The following HOMER2 variants were observed in gnomAD, a reference collection of about 807,000 sequenced individuals.
The protein encoded by HOMER2 is homer scaffold protein 2, also known as homer protein homolog 2.
A neutral mutation model predicts 47.0 loss-of-function variants in HOMER2; 27 were observed. That is an observed-to-expected ratio of 0.57 (90% CI 0.42 to 0.79). The LOEUF (loss-of-function observed/expected upper bound fraction) is 0.79. Among genes scored for constraint, HOMER2 ranks in the 30% least tolerant of loss-of-function variants. The pLI is 0.00. For missense variants in HOMER2, 443 were observed against 435.0 expected (o/e 1.02, Z -0.16); for synonymous variants, 161 against 163.8 (o/e 0.98, Z 0.13).
chr15:82,955,145 C>T (rs958812603), upstream of HOMER2, among the ~76,000 whole-genome samples: 3 of 150,860 alleles, frequency 2.0e-5, no homozygotes, highest in African/African-American at 4.9e-5. Flanking sequence ...CTATAATCTA[C>T]GTATTTTTAC....
chr15:82,896,110 G>A (rs901298833), intron 1 of HOMER2, among the ~76,000 whole-genome samples: 21 of 152,124 alleles, frequency 1.4e-4, no homozygotes, highest in Admixed American at 1.1e-3. Context: ...GGGGGACCAA[G>A]AACAGGGTCT....
intron 1 of HOMER2, among the ~76,000 whole-genome samples, chr15:82,965,778 T>C (rs1026484164): frequency 2.6e-5 from 4 of 151,988 alleles, no homozygotes; most frequent in African/African-American, 4.8e-5. Context: ...CTTTTTTTTT[T>C]TTTTATTTTC....
In HOMER2 at chr15:82,913,829, T is replaced by C. The variant is rs2053510577; in HGVS notation, c.6-20988A>G. ...AGGGCTGTGGAAAACTGGTGCTTCC[T>C]CAAAAAGTTAAATACAGCATTTCCA... On this transcript the variant is annotated intron_variant, in intron 1 of 8. Coordinates refer to ENST00000450735, the MANE Select transcript of HOMER2 (RefSeq NM_004839.4). The surrounding 1 kb of genome is among the most constrained non-coding windows in gnomAD (Gnocchi z 4.1). 6.6e-6 allele frequency among the ~76,000 whole-genome samples: 1 copy of C among 152,114 alleles called. No homozygotes were observed. Among genetic ancestry groups the C allele is most frequent in the African/African-American group, 2.4e-5 (1 of 41,420 alleles).
intron 2 of HOMER2, among the ~76,000 whole-genome samples, chr15:82,879,197 T>C (rs2052445520): frequency 6.6e-6 from 1 of 152,236 alleles, no homozygotes; most frequent in Middle Eastern, 3.2e-3. Context: ...TTTCCCTCTG[T>C]TTCCTTGAAT....
intron 1 of HOMER2, among the ~76,000 whole-genome samples, chr15:82,963,533 G>C (rs1187550765): frequency 2.0e-5 from 3 of 152,208 alleles, no homozygotes; most frequent in Admixed American, 2.0e-4. Context: ...AGAAAGAACA[G>C]TGTTTCCCCA....
At chr15:82,856,480 GT>G (rs2051589724) in intron 5 of HOMER2, among the ~76,000 whole-genome samples, 1 of 152,090 alleles carries the variant, frequency 6.6e-6, no homozygotes, top group African/African-American at 2.4e-5. Context: ...TCAGCCAGGT[GT>G]GGTAGCGTGC....
At chr15:82,939,027 G>A (rs1207996464) in intron 1 of HOMER2, among the ~76,000 whole-genome samples, 2 of 152,156 alleles carry the variant, frequency 1.3e-5, no homozygotes, top group African/African-American at 4.8e-5. Context: ...TTTCTCCTTA[G>A]AAGGTCAAAT....
chr15:82,942,936 G>A (rs1184975350), intron 1 of HOMER2, among the ~76,000 whole-genome samples: 1 of 152,178 alleles, frequency 6.6e-6, no homozygotes, highest in East Asian at 1.9e-4. Flanking sequence ...AGGACTGGGA[G>A]CAGAGTGACT....
At chr15:82,948,553 ACT>A (rs1362389465) in intron 1 of HOMER2, among the ~76,000 whole-genome samples, 1 of 152,086 alleles carries the variant, frequency 6.6e-6, no homozygotes, top group Non-Finnish European at 1.5e-5. Context: ...ACAGAGGGAG[ACT>A]CTGTCTCAAC....
At chr15:82,903,450 T>C (rs2053191492) in intron 1 of HOMER2, among the ~76,000 whole-genome samples, 1 of 150,376 alleles carries the variant, frequency 6.6e-6, no homozygotes, top group African/African-American at 2.5e-5. Flanking sequence ...CTGTCTCTAC[T>C]AAAAATACAA....
intron 5 of HOMER2, 133 bp from the exon 6 acceptor site, chr15:82,854,933 G>T: frequency 9.5e-7 from 1 of 1,049,136 alleles, no homozygotes; most frequent in Non-Finnish European, 1.4e-6. Flanking sequence ...CAGTAAGCTG[G>T]CAGGTGGGTC....
At chr15:82,842,829 A>T (rs1475947055) in exon 2 of HOMER2, 1 of 152,216 alleles carries the variant, frequency 6.6e-6, no homozygotes, top group Non-Finnish European at 1.5e-5. Flanking sequence ...CATATAGAAT[A>T]AAGGACAGAC....
At chr15:82,985,985 T>G, upstream of HOMER2, 5 of 793,432 alleles carry the variant, frequency 6.3e-6, no homozygotes, top group Non-Finnish European at 7.6e-6. Flanking sequence ...TCAAAGGAGC[T>G]TAATAGACGG....
At position 82,882,881 on chromosome 15, in the gene HOMER2, CTTTTTTT is replaced by C. The variant is rs757073475; in HGVS notation, c.163-7484_163-7478del. Among the ~76,000 whole-genome samples, 10 of 27,038 alleles carry C rather than the reference CTTTTTTT, an allele frequency of 3.7e-4. 2 individuals are homozygous for C. Among genetic ancestry groups the C allele is most frequent in the East Asian group, 0.015 (2 of 136 alleles). 17.7% of individuals were successfully genotyped at this position (27,038 alleles called of 152,430 possible). A position where few individuals can be genotyped will look rare whatever the true frequency, so the allele number is the denominator to read the frequency against. Reference sequence around the variant, plus strand: ...TGAGTCCATTCTACACCAGCCACTGCTTTTTTTTTTTTTTTTTTTTTTTTTATTATAC... The same window carrying C: ...TGAGTCCATTCTACACCAGCCACTGCTTTTTTTTTTTTTTTTTTATTATAC... On this transcript the variant is annotated intron_variant, in intron 2 of 8. Transcript: ENST00000450735.
intron 1 of HOMER2, among the ~76,000 whole-genome samples, chr15:82,950,750 T>G (rs2054488874): frequency 6.6e-6 from 1 of 152,268 alleles, no homozygotes; most frequent in South Asian, 2.1e-4. Context: ...ACATATTCTG[T>G]GTTTAAACAA....
At chr15:82,909,549 A>T (rs551974045) in intron 1 of HOMER2, among the ~76,000 whole-genome samples, 2 of 152,106 alleles carry the variant, frequency 1.3e-5, no homozygotes, top group African/African-American at 2.4e-5. Context: ...ATGACTAAGG[A>T]CAGAGCAGGT....
intron 1 of HOMER2, among the ~76,000 whole-genome samples, chr15:82,909,030 C>G (rs28409560): frequency 0.014 from 2,087 of 152,166 alleles, 54 homozygotes; most frequent in African/African-American, 0.047. Flanking sequence ...GAGGAACAAC[C>G]AAACCAGGGA....
At chr15:82,926,765 T>C (rs1306816859) in intron 1 of HOMER2, 1 of 152,264 alleles carries the variant, frequency 6.6e-6, no homozygotes, top group Admixed American at 6.5e-5. Context: ...GATCAGACCA[T>C]GAGGGCTTCA....
At chr15:82,878,629 G>A (rs1276870240) in intron 2 of HOMER2, among the ~76,000 whole-genome samples, 2 of 152,044 alleles carry the variant, frequency 1.3e-5, no homozygotes, top group Non-Finnish European at 2.9e-5. Flanking sequence ...GACATGCTAG[G>A]TCTTTCATTT....
Sources: gnomAD v4.1 joint callset for allele counts (sites outside exome capture counted in the v4.1 genomes callset) on GRCh38, gnomAD v4.1.1 for gene constraint, Gnocchi (gnomAD v3.1) non-coding constraint, MANE v1.5 for transcripts, NCBI Gene and HGNC (gene_info 2026-07-23, HGNC 2026-07-21) for gene names.